Variants in CNTN1 observed in about 807,000 individuals in gnomAD.
The protein encoded by CNTN1 is contactin 1.
In CNTN1, 38 loss-of-function variants were observed where a neutral mutation model predicts 126.4. That is an observed-to-expected ratio of 0.30 (90% CI 0.23 to 0.39). The LOEUF is 0.39. CNTN1 is among the 10% of genes least tolerant of loss of function. The pLI, the probability that CNTN1 is intolerant of heterozygous loss-of-function variation, is 1.00. For synonymous variants in CNTN1, 413 were observed against 422.6 expected (o/e 0.98, Z 0.28); for missense variants, 1,009 against 1,248.4 (o/e 0.81, Z 2.89).
rs113118096 is a variant in CNTN1 at position 40,877,050 on chromosome 12, C to T, written c.-76-31307C>T. ...TTGAGCTGCTCTAAGAACTGAATTT[C>T]GCCAAAATAATTGTGAGTATGAACT... On this transcript the variant is annotated intron_variant, in intron 1 of 23. Transcript: ENST00000551295. Among the ~76,000 whole-genome samples, 711 of 152,240 alleles carry T rather than the reference C, an allele frequency of 4.7e-3. 5 individuals carry two copies. Among genetic ancestry groups the T allele is most frequent in the African/African-American group, 0.013 (528 of 41,550 alleles).
At chr12:40,721,421 T>C (rs11610114) in intron 1 of CNTN1, among the ~76,000 whole-genome samples, 10,684 of 152,156 alleles carry the variant, frequency 0.07, 539 homozygotes, top group Non-Finnish European at 0.1. Flanking sequence ...TCAACTTATT[T>C]TCCCTGCCAA....
At chr12:40,787,333 A>G (rs527604635) in intron 1 of CNTN1, among the ~76,000 whole-genome samples, 8 of 152,318 alleles carry the variant, frequency 5.3e-5, no homozygotes, top group African/African-American at 1.9e-4. Flanking sequence ...ATATGTGCTC[A>G]CTACTCTGCT....
At chr12:41,069,853 T>C in intron 23 of CNTN1, 106 bp from the exon 24 acceptor site, 1 of 863,454 alleles carries the variant, frequency 1.2e-6, no homozygotes, top group Non-Finnish European at 2.0e-6. Flanking sequence ...AAAGGACCCA[T>C]TTGTTTTCCA....
At chr12:40,919,393 C>T (rs1945356992) in intron 4 of CNTN1, among the ~76,000 whole-genome samples, 1 of 152,078 alleles carries the variant, frequency 6.6e-6, no homozygotes, top group African/African-American at 2.4e-5. Flanking sequence ...TCAGATGGGT[C>T]ATAAAAGTAT....
chr12:40,999,534 T>C (rs1948303053), intron 17 of CNTN1, among the ~76,000 whole-genome samples: 1 of 152,136 alleles, frequency 6.6e-6, no homozygotes, highest in South Asian at 2.1e-4. Context: ...CTCAGATTCA[T>C]GTTAAATATG....
intron 1 of CNTN1, among the ~76,000 whole-genome samples, chr12:40,843,202 T>C (rs1413015317): frequency 6.6e-6 from 1 of 152,186 alleles, no homozygotes; most frequent in East Asian, 1.9e-4. Flanking sequence ...CCAGTAAGTA[T>C]GTTTTTGTGA....
chr12:40,997,456 CT>C (rs929177602), intron 17 of CNTN1, among the ~76,000 whole-genome samples: 2 of 151,990 alleles, frequency 1.3e-5, no homozygotes, highest in East Asian at 1.9e-4. Flanking sequence ...CTCATTCTTT[CT>C]TTTTTCTTTC....
At chr12:40,954,175 T>G (rs1440012174) in intron 14 of CNTN1, among the ~76,000 whole-genome samples, 1 of 152,114 alleles carries the variant, frequency 6.6e-6, no homozygotes, top group African/African-American at 2.4e-5. Flanking sequence ...TTTTTACTTG[T>G]ATGCAGACAT....
intron 17 of CNTN1, among the ~76,000 whole-genome samples, chr12:40,998,324 C>T (rs1251001486): frequency 6.6e-6 from 1 of 152,084 alleles, no homozygotes; most frequent in East Asian, 1.9e-4. Flanking sequence ...GAATTCTTTT[C>T]TGCCCATCCA....
In CNTN1 at chr12:40,898,003, G is replaced by C. The variant is rs1005336792; in HGVS notation, c.-76-10354G>C. Among the ~76,000 whole-genome samples the C allele has an allele frequency of 4.6e-5, 7 of 152,094 alleles. 1 individual carries two copies. The highest frequency in any genetic ancestry group is 1.7e-4 in the African/African-American group (7 of 41,486). ...GCCCTAGCCATGCTTATTCTTCAAG[G>C]GTCTCTGAATTTGACCTTTATTATT... On this transcript the variant is annotated intron_variant, in intron 1 of 23. Coordinates refer to ENST00000551295, the MANE Select transcript of CNTN1 (RefSeq NM_001843.4).
At chr12:40,774,543 A>G (rs1215612506) in intron 1 of CNTN1, among the ~76,000 whole-genome samples, 1 of 151,732 alleles carries the variant, frequency 6.6e-6, no homozygotes, top group African/African-American at 2.4e-5. Flanking sequence ...GAGAAAAACT[A>G]ATGGTGATTG....
chr12:40,927,064 A>G (rs1036604125), intron 6 of CNTN1, among the ~76,000 whole-genome samples: 1 of 151,978 alleles, frequency 6.6e-6, no homozygotes, highest in Admixed American at 6.6e-5. Flanking sequence ...ATGATTCATC[A>G]TTCAATAAGT....
intron 1 of CNTN1, among the ~76,000 whole-genome samples, chr12:40,906,470 C>G (rs1382662329): frequency 6.6e-6 from 1 of 151,954 alleles, no homozygotes; most frequent in African/African-American, 2.4e-5. Context: ...CTGCCAAATG[C>G]TAGGATTCTT....
chr12:40,703,383 A>T (rs888839001), intron 1 of CNTN1, among the ~76,000 whole-genome samples: 1 of 152,152 alleles, frequency 6.6e-6, no homozygotes. Flanking sequence ...CCCTGCTTTC[A>T]TCGTTATTTT....
intron 1 of CNTN1, among the ~76,000 whole-genome samples, chr12:40,728,431 CT>C (rs1393309657): frequency 3.9e-5 from 6 of 152,110 alleles, no homozygotes; most frequent in African/African-American, 1.4e-4. Flanking sequence ...AAAAAGGCAA[CT>C]AGTAGTAAGC....
intron 1 of CNTN1, among the ~76,000 whole-genome samples, chr12:40,697,771 C>T (rs1941487579): frequency 6.6e-6 from 1 of 152,126 alleles, no homozygotes; most frequent in Non-Finnish European, 1.5e-5. Flanking sequence ...TATTAAGATC[C>T]TATTATTCTT....
intron 14 of CNTN1, among the ~76,000 whole-genome samples, chr12:40,955,073 C>G (rs1388947411): frequency 6.6e-6 from 1 of 151,998 alleles, no homozygotes; most frequent in Non-Finnish European, 1.5e-5. Context: ...CTCTAAGACT[C>G]TACAGGTGTA....
intron 1 of CNTN1, among the ~76,000 whole-genome samples, chr12:40,795,186 C>A (rs961298): frequency 0.062 from 9,430 of 151,812 alleles, 383 homozygotes; most frequent in Admixed American, 0.085. Flanking sequence ...TTTCAGCCAG[C>A]CTTGGGGATT....
intron 1 of CNTN1, among the ~76,000 whole-genome samples, chr12:40,753,178 A>T (rs991597320): frequency 5.9e-5 from 9 of 152,120 alleles, no homozygotes; most frequent in African/African-American, 1.9e-4. Context: ...AGGAGTGAAG[A>T]GAGGCAAACC....
Sources: gnomAD v4.1 joint callset for allele counts (sites outside exome capture counted in the v4.1 genomes callset) on GRCh38, gnomAD v4.1.1 for gene constraint, MANE v1.5 for transcripts, NCBI Gene and HGNC (gene_info 2026-07-23, HGNC 2026-07-21) for gene names.